The following ASL variants were observed in gnomAD, a reference collection of about 807,000 sequenced individuals.
ASL encodes the protein argininosuccinase.
ASL carries 51 observed loss-of-function variants against 69.1 expected under a neutral mutation model. The ratio of observed to expected loss-of-function variants is 0.74; its 90% CI spans 0.59 to 0.93. The LOEUF (loss-of-function observed/expected upper bound fraction) is 0.93. ASL is among the 40% of genes least tolerant of loss of function. ASL has a pLI of 0.00. For missense variants in ASL, 540 were observed against 623.9 expected, an observed-to-expected ratio of 0.87 and a Z score of 1.43; for synonymous variants, 241 against 247.6, an observed-to-expected ratio of 0.97 and a Z score of 0.25.
intron 8 of ASL, chr7:66,087,028 C>T (rs894815303): frequency 1.4e-6 from 1 of 691,480 alleles, no homozygotes; most frequent in African/African-American, 1.8e-5. Flanking sequence ...CAGCAAGGCT[C>T]CTGGCAAGCC....
At position 66,081,579 on chromosome 7, in the gene ASL, C is replaced by CAAAA. The variant is rs113517237; in HGVS notation, c.13-212_13-209dup. Reference sequence around the variant, plus strand: ...TGGCCGACAAAGTGAGACTCTGTCTCAAAAAAAAAAAAAAAGAACCCAAAC... The same window carrying CAAAA: ...TGGCCGACAAAGTGAGACTCTGTCTCAAAAAAAAAAAAAAAAAAAGAACCCAAAC... On this transcript the variant is annotated intron_variant, in intron 2 of 16. Transcript: ENST00000304874. 7.8e-5 allele frequency among the ~76,000 whole-genome samples: 9 copies of CAAAA among 115,382 alleles called. No homozygotes were observed. The East Asian group carries it at 2.2e-3, about 28-fold the overall frequency. The allele number at this position is 115,382 out of a possible 152,430, so 75.7% of individuals were successfully genotyped here.
chr7:66,076,001 C>T, intron 1 of ASL, 38 bp from the exon 2 acceptor site: 2 of 1,545,458 alleles, frequency 1.3e-6, no homozygotes, highest in Admixed American at 1.9e-5. Context: ...GGGGACCCTG[C>T]TGGCCAAGGA....
chr7:66,091,097 CAA>C (rs71051336), intron 14 of ASL, among the ~76,000 whole-genome samples: 76 of 73,406 alleles, frequency 1.0e-3, no homozygotes, highest in South Asian at 1.0e-3. Context: ...GACTCCATCT[CAA>C]AAAAAAAAAA....
At chr7:66,092,410 C>A in intron 15 of ASL, 147 bp from the exon 16 acceptor site, 1 of 762,854 alleles carries the variant, frequency 1.3e-6, no homozygotes, top group East Asian at 2.7e-5. Context: ...GAGGTGAGAT[C>A]GCGCCACTGC....
Position 66,086,581 on chromosome 7 carries a change from A to C in ASL, c.447-4A>C. 6.2e-7 allele frequency: 1 copy of C among 1,613,438 alleles called. No individual in the cohort carries two copies. Among genetic ancestry groups the C allele is most frequent in the Non-Finnish European group, 8.5e-7 (1 of 1,179,998 alleles). On this transcript the variant is annotated splice_region_variant and splice_polypyrimidine_tract_variant and intron_variant, in intron 6 of 16. Transcript: ENST00000304874. ...CCCGAGCTTCTGCTCCTCCTCTCCC[A>C]CAGGGAACGTGATGTTCTCTTCCCG... is the stretch of plus-strand genomic sequence containing the variant.
In ASL at chr7:66,093,024, C is replaced by G. The variant is rs1474608189; in HGVS notation, c.*112C>G. The G allele has an allele frequency of 3.2e-5, 48 of 1,500,840 alleles. No individual in the cohort carries two copies. The East Asian group carries it at 1.1e-3, about 35-fold the overall frequency. 93.0% of individuals were successfully genotyped at this position (1,500,840 alleles called of 1,614,324 possible). ...GGCTTTCGGGGCTGGCCAGTGGGGA[C>G]AGTCAGGGACTGGAGAGGCAGGGCA... On this transcript the variant is annotated 3_prime_UTR_variant, in exon 17 of 17. Transcript: ENST00000304874.
rs1182631193 is a variant in ASL, at chr7:66,086,567, G to C, written c.447-18G>C. 1.9e-6 allele frequency: 3 copies of C among 1,612,758 alleles called. No homozygotes were observed. Among genetic ancestry groups the C allele is most frequent in the Non-Finnish European group, 2.5e-6 (3 of 1,179,966 alleles). On this transcript the variant is annotated intron_variant, in intron 6 of 16. Transcript: ENST00000304874. ...TGCATGAGCCTCCACCCGAGCTTCT[G>C]CTCCTCCTCTCCCACAGGGAACGTG...
At position 66,076,111 on chromosome 7, in the gene ASL, G is replaced by A; in HGVS notation, c.12+18G>A. ...CCTCGGAGGTGAGTGGGACCTCGGG[G>A]ACTCCGGTCCTCCTAGCCTCCAAAG... is the stretch of plus-strand genomic sequence containing the variant. On this transcript the variant is annotated intron_variant, in intron 2 of 16. Coordinates refer to ENST00000304874, the MANE Select transcript of ASL (RefSeq NM_000048.4). 6.3e-7 allele frequency: 1 copy of A among 1,591,660 alleles called. No homozygotes were observed. Among genetic ancestry groups the A allele is most frequent in the Non-Finnish European group, 8.5e-7 (1 of 1,169,770 alleles).
chr7:66,079,913 C>CA (rs1786451109), intron 2 of ASL, among the ~76,000 whole-genome samples: 1 of 152,032 alleles, frequency 6.6e-6, no homozygotes, highest in South Asian at 2.1e-4. Context: ...CCACCACTCC[C>CA]AGTCCTATAA....
At chr7:66,089,952 CA>C in intron 14 of ASL, among the ~76,000 whole-genome samples, 1 of 152,308 alleles carries the variant, frequency 6.6e-6, no homozygotes, top group Non-Finnish European at 1.5e-5. Flanking sequence ...AAAATCTAAA[CA>C]AAAGGCCAGG....
intron 12 of ASL, 43 bp from the exon 13 acceptor site, chr7:66,089,233 G>A (rs1051586035): frequency 2.5e-6 from 4 of 1,611,330 alleles, no homozygotes; most frequent in African/African-American, 2.7e-5. Context: ...GGCCAGGGGG[G>A]CAGGATCCCG....
intron 14 of ASL, 47 bp from the exon 15 acceptor site, chr7:66,091,959 G>T: frequency 6.2e-7 from 1 of 1,606,356 alleles, no homozygotes. Flanking sequence ...GGCAGCTTCA[G>T]ATCCCAGGGT....
At chr7:66,088,201 C>T (rs932950929) in intron 10 of ASL, among the ~76,000 whole-genome samples, 1 of 151,868 alleles carries the variant, frequency 6.6e-6, no homozygotes, top group African/African-American at 2.4e-5. Context: ...AATAAATAGG[C>T]CAGGCATGGT....
chr7:66,092,674 TCCCCTTCCCCATG>T lies in ASL; in HGVS notation c.1250+13_1250+25del. ...GCTGCAGACCATCAGGTACGGCCCA[TCCCCTTCCCCATG>T]CTGCCTCCTAGGAAGTGAGCCTGGG... On this transcript the variant is annotated intron_variant, in intron 16 of 16. Transcript: ENST00000304874. 2 of 1,613,592 alleles carry T rather than the reference TCCCCTTCCCCATG, an allele frequency of 1.2e-6. No individual in the cohort carries two copies. Among genetic ancestry groups the T allele is most frequent in the Non-Finnish European group, 1.7e-6 (2 of 1,179,920 alleles).
At chr7:66,086,685 G>A in intron 7 of ASL, 23 bp downstream of exon 7, 2 of 1,613,526 alleles carry the variant, frequency 1.2e-6, no homozygotes, top group Non-Finnish European at 1.7e-6. Flanking sequence ...AGGTGCAGGG[G>A]CTGTGCTAGA....
intron 2 of ASL, among the ~76,000 whole-genome samples, chr7:66,079,041 C>G (rs1009311743): frequency 1.3e-5 from 2 of 152,140 alleles, no homozygotes; most frequent in African/African-American, 4.8e-5. Flanking sequence ...TCCCAAGTAG[C>G]TGGGACTACA....
At chr7:66,077,617 T>A (rs1228494713) in intron 2 of ASL, among the ~76,000 whole-genome samples, 1 of 151,398 alleles carries the variant, frequency 6.6e-6, no homozygotes, top group East Asian at 1.9e-4. Context: ...TAGTCCCAGC[T>A]ATTCGGGAGG....
intron 3 of ASL, 78 bp from the exon 4 acceptor site, chr7:66,082,290 G>T: frequency 7.0e-7 from 1 of 1,419,476 alleles, no homozygotes; most frequent in South Asian, 1.2e-5. Context: ...ACCAGGGATA[G>T]GGTGGGACCA....
chr7:66,091,188 T>C (rs1228416410), intron 14 of ASL, among the ~76,000 whole-genome samples: 1 of 151,344 alleles, frequency 6.6e-6, no homozygotes, highest in African/African-American at 2.4e-5. Flanking sequence ...CTGAGAAATG[T>C]GATGTGAGGC....
Sources: gnomAD v4.1 joint callset for allele counts (sites outside exome capture counted in the v4.1 genomes callset) on GRCh38, gnomAD v4.1.1 for gene constraint, MANE v1.5 for transcripts, NCBI Gene and HGNC (gene_info 2026-07-23, HGNC 2026-07-21) for gene names.